The following CSMD1 variants were observed in gnomAD, a reference collection of about 807,000 sequenced individuals.
CSMD1 encodes CUB and sushi domain-containing protein 1.
A neutral mutation model predicts 417.5 loss-of-function variants in CSMD1; 213 were observed. The ratio of observed to expected loss-of-function variants is 0.51; its 90% CI spans 0.46 to 0.57. The LOEUF (loss-of-function observed/expected upper bound fraction) is 0.57, where lower values mean the gene tolerates loss of function less well. CSMD1 is among the 20% of genes least tolerant of loss of function. The pLI, the probability that CSMD1 is intolerant of heterozygous loss-of-function variation, is 0.00. For synonymous variants in CSMD1, 2,862 were observed against 1,736.8 expected (o/e 1.65, Z -16.11); for missense variants, 6,923 against 4,529.7 (o/e 1.53, Z -15.17).
intron 3 of CSMD1, among the ~76,000 whole-genome samples, chr8:4,417,504 C>T (rs1288358557): frequency 1.3e-5 from 2 of 151,918 alleles, no homozygotes; most frequent in African/African-American, 2.4e-5. Context: ...ACCACAATTC[C>T]ATGTTTTAGT....
chr8:4,951,935 T>A (rs552284071), intron 1 of CSMD1, among the ~76,000 whole-genome samples: 1 of 151,500 alleles, frequency 6.6e-6, no homozygotes, highest in African/African-American at 2.4e-5. Flanking sequence ...AATTATTTTT[T>A]CCCCTAGGCC....
intron 10 of CSMD1, among the ~76,000 whole-genome samples, chr8:3,572,138 G>C (rs1799969710): frequency 6.6e-6 from 1 of 152,210 alleles, no homozygotes; most frequent in South Asian, 2.1e-4. Flanking sequence ...ATTCACCTCA[G>C]AGTTTTCTGC....
rs538771861 is a variant in CSMD1 at position 4,179,669 on chromosome 8, A to C, written c.416-147570T>G. Among the ~76,000 whole-genome samples the C allele has an allele frequency of 1.8e-4, 27 of 152,290 alleles. No individual in the cohort carries two copies. In the East Asian group the frequency reaches 3.7e-3, roughly 21 times the overall value. On this transcript the variant is annotated intron_variant, in intron 3 of 69. Coordinates refer to ENST00000635120, the MANE Select transcript of CSMD1 (RefSeq NM_033225.6). ...CTACAGAATGGGAGGAAATTTTCGC[A>C]ATCTACTCATCTGACAAAGGGCTAA... is the stretch of plus-strand genomic sequence containing the variant.
chr8:3,047,213 C>CAA lies in CSMD1; in HGVS notation c.7660+5247_7660+5248dup, dbSNP rs749861179. ...CAGGCAACAGTATAAGACTCCCTCTCAAAAAAAAAAAAAAAAAAAAAAAAA... is the reference window on the plus strand; with the variant it reads ...CAGGCAACAGTATAAGACTCCCTCTCAAAAAAAAAAAAAAAAAAAAAAAAAAA... On this transcript the variant is annotated intron_variant, in intron 50 of 69. Transcript: ENST00000635120. Among the ~76,000 whole-genome samples the CAA allele has an allele frequency of 9.4e-3, 676 of 72,174 alleles. 3 individuals are homozygous for CAA. Among genetic ancestry groups the CAA allele is most frequent in the African/African-American group, 0.024 (338 of 14,234 alleles). The allele number at this position is 72,174 out of a possible 152,430, so 47.3% of individuals were successfully genotyped here. A position where few individuals can be genotyped will look rare whatever the true frequency, so the allele number is the denominator to read the frequency against.
chr8:3,613,977 T>A (rs76423810), intron 8 of CSMD1, among the ~76,000 whole-genome samples: 1 of 151,852 alleles, frequency 6.6e-6, no homozygotes, highest in African/African-American at 2.4e-5. Context: ...TTAAAAATCC[T>A]TTTATTTGTA....
intron 31 of CSMD1, among the ~76,000 whole-genome samples, chr8:3,204,103 T>G (rs190047773): frequency 2.4e-4 from 37 of 152,368 alleles, no homozygotes; most frequent in African/African-American, 8.9e-4. Flanking sequence ...TGCATTTTCA[T>G]TAAAGATTCG....
At chr8:3,247,062 C>T (rs1044276361) in intron 26 of CSMD1, among the ~76,000 whole-genome samples, 1 of 152,104 alleles carries the variant, frequency 6.6e-6, no homozygotes, top group Non-Finnish European at 1.5e-5. Flanking sequence ...GATCTAAGGG[C>T]AGAAGTGACT....
At chr8:4,756,708 C>T (rs1585049793) in intron 1 of CSMD1, among the ~76,000 whole-genome samples, 1 of 152,256 alleles carries the variant, frequency 6.6e-6, no homozygotes, top group African/African-American at 2.4e-5. Flanking sequence ...CCCCATGGTT[C>T]CATATTTCTT....
intron 2 of CSMD1, among the ~76,000 whole-genome samples, chr8:4,480,254 A>C (rs1470029876): frequency 6.6e-6 from 1 of 151,870 alleles, no homozygotes; most frequent in East Asian, 1.9e-4. Flanking sequence ...AGGACTTCTC[A>C]TGTCTAGGGT....
intron 4 of CSMD1, among the ~76,000 whole-genome samples, chr8:4,002,336 C>T (rs575297534): frequency 7.7e-4 from 117 of 152,248 alleles, no homozygotes; most frequent in African/African-American, 2.7e-3. Context: ...AATTTCTCCG[C>T]TATTTTTGTA....
chr8:3,212,830 A>T (rs1236012339), intron 30 of CSMD1, among the ~76,000 whole-genome samples: 8 of 76,514 alleles, frequency 1.0e-4, no homozygotes, highest in Non-Finnish European at 1.5e-4. Flanking sequence ...TTTCTTATAT[A>T]CTTTTTTTTT....
At position 3,157,887 on chromosome 8, in the gene CSMD1, G is replaced by A. The variant is rs1337995786; in HGVS notation, c.5914+10C>T. ...GCGCAGCAGCAGAGTTACAGAAGGT[G>A]CATCCTTACCAATGCACAGGGGAGA... On this transcript the variant is annotated intron_variant, in intron 39 of 69. Transcript: ENST00000635120. 32 of 1,550,468 alleles carry A rather than the reference G, an allele frequency of 2.1e-5. No homozygotes were observed. Among genetic ancestry groups the A allele is most frequent in the Non-Finnish European group, 2.5e-5 (29 of 1,145,594 alleles).
intron 3 of CSMD1, among the ~76,000 whole-genome samples, chr8:4,396,545 A>C (rs1403530299): frequency 6.6e-6 from 1 of 152,108 alleles, no homozygotes; most frequent in Non-Finnish European, 1.5e-5. Context: ...AGTTAAGTTT[A>C]TAGCAGCAAA....
intron 1 of CSMD1, among the ~76,000 whole-genome samples, chr8:4,744,400 G>A (rs1419949590): frequency 2.6e-5 from 4 of 152,042 alleles, no homozygotes; most frequent in Non-Finnish European, 4.4e-5. Context: ...CTCTCAGTTC[G>A]GTTCTAGCCT....
At chr8:3,444,797 C>G (rs1815200229) in intron 12 of CSMD1, among the ~76,000 whole-genome samples, 2 of 152,144 alleles carry the variant, frequency 1.3e-5, no homozygotes, top group Non-Finnish European at 2.9e-5. Context: ...ACCAGACAAC[C>G]AAATAATATG....
At chr8:3,548,167 G>A (rs1430367632) in intron 10 of CSMD1, among the ~76,000 whole-genome samples, 1 of 152,104 alleles carries the variant, frequency 6.6e-6, no homozygotes, top group African/African-American at 2.4e-5. Flanking sequence ...AATGTTATGG[G>A]GGGTTCCTGC....
At position 4,994,466 on chromosome 8, in the gene CSMD1, G is replaced by C. The variant is rs373538660; in HGVS notation, c.-50C>G. 28 of 1,536,876 alleles carry C rather than the reference G, an allele frequency of 1.8e-5. No homozygotes were observed. The highest frequency in any genetic ancestry group is 2.3e-5 in the Non-Finnish European group (26 of 1,118,344). ...CGACACCGATGGCTCCTCCGAGGAA[G>C]GCAGGGCTATGAGCGGAGCCAAATA... is the stretch of plus-strand genomic sequence containing the variant. On this transcript the variant is annotated 5_prime_UTR_variant, in exon 1 of 70. Coordinates refer to ENST00000635120, the MANE Select transcript of CSMD1 (RefSeq NM_033225.6).
intron 3 of CSMD1, among the ~76,000 whole-genome samples, chr8:4,039,684 G>A (rs893650580): frequency 6.6e-6 from 1 of 152,190 alleles, no homozygotes; most frequent in Non-Finnish European, 1.5e-5. Flanking sequence ...CAATGAGGAA[G>A]TGAGCTGTAA....
At chr8:3,412,141 CATAT>C (rs759623128) in intron 12 of CSMD1, among the ~76,000 whole-genome samples, 1 of 130,750 alleles carries the variant, frequency 7.6e-6, no homozygotes, top group Non-Finnish European at 1.6e-5. Flanking sequence ...TACATATATA[CATAT>C]ATATACACAC....
Sources: allele counts gnomAD v4.1 joint callset (sites outside exome capture counted in the v4.1 genomes callset), GRCh38; gene constraint gnomAD v4.1.1; transcripts MANE v1.5; gene names NCBI Gene and HGNC (gene_info 2026-07-23, HGNC 2026-07-21).